The following GALNTL6 variants were observed in gnomAD, a reference collection of about 807,000 sequenced individuals.
The protein encoded by GALNTL6 is polypeptide N-acetylgalactosaminyltransferase like 6, also known as polypeptide N-acetylgalactosaminyltransferase-like 6.
Under a neutral mutation model 73.7 loss-of-function variants are expected in GALNTL6, and 46 were observed. The ratio of observed to expected loss-of-function variants is 0.62; its 90% CI spans 0.49 to 0.80. GALNTL6 has a LOEUF of 0.80. GALNTL6 is among the 30% of genes least tolerant of loss of function. The pLI, the probability that GALNTL6 is intolerant of heterozygous loss-of-function variation, is 0.00. For missense variants in GALNTL6, 604 were observed against 755.0 expected, an observed-to-expected ratio of 0.80 and a Z score of 2.34; for synonymous variants, 259 against 263.7, an observed-to-expected ratio of 0.98 and a Z score of 0.17.
intron 2 of GALNTL6, among the ~76,000 whole-genome samples, chr4:172,181,061 T>A (rs1386558422): frequency 6.6e-6 from 1 of 152,112 alleles, no homozygotes; most frequent in Non-Finnish European, 1.5e-5. Flanking sequence ...AGTATGACCA[T>A]TTTCGTCATA....
chr4:172,457,469 T>A (rs894285578), intron 5 of GALNTL6, among the ~76,000 whole-genome samples: 1 of 152,120 alleles, frequency 6.6e-6, no homozygotes, highest in Non-Finnish European at 1.5e-5. Flanking sequence ...AGGAGGCCTA[T>A]CTCACGTGCA....
At chr4:172,460,909 C>T (rs187162712) in intron 5 of GALNTL6, among the ~76,000 whole-genome samples, 32 of 152,256 alleles carry the variant, frequency 2.1e-4, no homozygotes, top group Admixed American at 1.7e-3. Flanking sequence ...TATAAAGATA[C>T]GTACACGTGT....
At chr4:172,123,500 ATTTTTTTTTTTTT>A (rs67067629) in intron 2 of GALNTL6, among the ~76,000 whole-genome samples, 1 of 115,418 alleles carries the variant, frequency 8.7e-6, no homozygotes, top group Non-Finnish European at 1.7e-5. Flanking sequence ...AAAAGTCATA[ATTTTTTTTTTTTT>A]TTTTTTTGAG....
chr4:173,034,551 C>T (rs1042040997), intron 12 of GALNTL6, among the ~76,000 whole-genome samples: 16 of 152,158 alleles, frequency 1.1e-4, no homozygotes, highest in African/African-American at 3.9e-4. Context: ...GTTCTCTAAC[C>T]ACCAGGGTGC....
chr4:171,975,830 T>C (rs1579023071), intron 2 of GALNTL6, among the ~76,000 whole-genome samples: 2 of 152,210 alleles, frequency 1.3e-5, no homozygotes, highest in African/African-American at 4.8e-5. Flanking sequence ...TGAAAAATAG[T>C]TCAAATTATC....
At position 172,505,469 on chromosome 4, in the gene GALNTL6, A is replaced by T. The variant is rs1734376826; in HGVS notation, c.553+156780A>T. 9.1e-5 allele frequency among the ~76,000 whole-genome samples: 5 copies of T among 55,092 alleles called. 2 individuals carry two copies. Among genetic ancestry groups the T allele is most frequent in the African/African-American group, 2.3e-4 (5 of 22,078 alleles). The allele number at this position is 55,092 out of a possible 152,430, so 36.1% of individuals were successfully genotyped here. A position where few individuals can be genotyped will look rare whatever the true frequency, so the allele number is the denominator to read the frequency against. On this transcript the variant is annotated intron_variant, in intron 5 of 12. Coordinates refer to ENST00000506823, the MANE Select transcript of GALNTL6 (RefSeq NM_001034845.3). ...AATATTTCCAGAGATTTCAGTATTG[A>T]TGCGTGAATGTTGGGTATGTGCTGG... is the stretch of plus-strand genomic sequence containing the variant.
intron 2 of GALNTL6, among the ~76,000 whole-genome samples, chr4:172,149,354 G>A (rs765866516): frequency 4.6e-5 from 7 of 152,090 alleles, no homozygotes; most frequent in Admixed American, 6.5e-5. Flanking sequence ...CATTGTATGC[G>A]CTGCTTTGAC....
At chr4:171,816,697 A>T (rs1734535202) in intron 2 of GALNTL6, among the ~76,000 whole-genome samples, 1 of 152,070 alleles carries the variant, frequency 6.6e-6, no homozygotes, top group South Asian at 2.1e-4. Context: ...ATTAAAAAAT[A>T]AAATTTAAAA....
chr4:172,319,259 T>C (rs1436244895), intron 4 of GALNTL6, among the ~76,000 whole-genome samples: 1 of 152,218 alleles, frequency 6.6e-6, no homozygotes, highest in Non-Finnish European at 1.5e-5. Flanking sequence ...TGCCAAACAG[T>C]GGCATTAATA....
At chr4:172,609,322 A>T (rs1294461496) in intron 5 of GALNTL6, among the ~76,000 whole-genome samples, 1 of 152,148 alleles carries the variant, frequency 6.6e-6, no homozygotes, top group Non-Finnish European at 1.5e-5. Flanking sequence ...AATTTCTTCA[A>T]TGCCTACTTT....
chr4:172,746,314 A>G (rs542787913), intron 5 of GALNTL6, among the ~76,000 whole-genome samples: 38 of 39,248 alleles, frequency 9.7e-4, no homozygotes, highest in Non-Finnish European at 1.6e-3. Flanking sequence ...GTAGTTGTTA[A>G]CAACAATGGT....
At chr4:172,878,950 A>T (rs1346792875) in intron 7 of GALNTL6, among the ~76,000 whole-genome samples, 1 of 151,866 alleles carries the variant, frequency 6.6e-6, no homozygotes, top group African/African-American at 2.4e-5. Context: ...AAATCCAAAT[A>T]AAGCTGGAGT....
At chr4:172,269,682 A>G (rs903057393) in intron 3 of GALNTL6, among the ~76,000 whole-genome samples, 17 of 152,182 alleles carry the variant, frequency 1.1e-4, no homozygotes, top group African/African-American at 4.1e-4. Flanking sequence ...AGGAATAACA[A>G]ATGTTACATT....
At chr4:172,047,938 A>G (rs1303240480) in intron 2 of GALNTL6, among the ~76,000 whole-genome samples, 1 of 152,128 alleles carries the variant, frequency 6.6e-6, no homozygotes, top group Non-Finnish European at 1.5e-5. Flanking sequence ...ACTTGAGTAT[A>G]CCAATTTATA....
intron 8 of GALNTL6, among the ~76,000 whole-genome samples, chr4:172,905,111 T>G (rs1465693089): frequency 3.3e-5 from 5 of 152,184 alleles, no homozygotes; most frequent in African/African-American, 1.2e-4. Flanking sequence ...CACTTAAATG[T>G]CATCAAATTT....
At chr4:172,813,519 T>C in intron 6 of GALNTL6, 21 bp from the exon 7 acceptor site, 6 of 1,580,722 alleles carry the variant, frequency 3.8e-6, no homozygotes, top group Non-Finnish European at 5.2e-6. Flanking sequence ...TCATTTCCTA[T>C]TTTGTGCTTT....
chr4:172,093,260 T>C lies in GALNTL6; in HGVS notation c.139-136396T>C, dbSNP rs887840840. Among the ~76,000 whole-genome samples, 4 of 152,188 alleles carry C rather than the reference T, an allele frequency of 2.6e-5. No homozygotes were observed. The South Asian group carries it at 8.3e-4, about 32-fold the overall frequency. On this transcript the variant is annotated intron_variant, in intron 2 of 12. Coordinates refer to ENST00000506823, the MANE Select transcript of GALNTL6 (RefSeq NM_001034845.3). Reference sequence around the variant, plus strand: ...CACGATAAGATTTTCATCAACCTTTTATAGTCTCTTAAATTTTTTAATTCT... The same window carrying C: ...CACGATAAGATTTTCATCAACCTTTCATAGTCTCTTAAATTTTTTAATTCT...
chr4:172,888,214 G>C (rs181614567), intron 8 of GALNTL6, among the ~76,000 whole-genome samples: 7 of 152,250 alleles, frequency 4.6e-5, no homozygotes, highest in Admixed American at 4.6e-4. Flanking sequence ...GTCAATGTTT[G>C]GTTTTGTTGC....
intron 5 of GALNTL6, among the ~76,000 whole-genome samples, chr4:172,582,350 A>G (rs1262656425): frequency 1.3e-5 from 2 of 152,232 alleles, no homozygotes; most frequent in Non-Finnish European, 2.9e-5. Context: ...GGAGTTAACA[A>G]TAATAGTATG....
Sources: gnomAD v4.1 joint callset for allele counts (sites outside exome capture counted in the v4.1 genomes callset) on GRCh38, gnomAD v4.1.1 for gene constraint, MANE v1.5 for transcripts, NCBI Gene and HGNC (gene_info 2026-07-23, HGNC 2026-07-21) for gene names.